SETD9: variants seen among roughly 807,000 people sequenced by gnomAD.
The protein encoded by SETD9 is SET domain-containing protein 9.
Under a neutral mutation model 36.4 loss-of-function variants are expected in SETD9, and 37 were observed. The observed-to-expected ratio is 1.02, with a 90% CI of 0.78 to 1.34. The LOEUF is 1.34. SETD9 is among the 40% of genes most tolerant of loss of function. The pLI, the probability that SETD9 is intolerant of heterozygous loss-of-function variation, is 0.00. For missense variants in SETD9, 323 were observed against 353.2 expected, an observed-to-expected ratio of 0.91 and a Z score of 0.69; for synonymous variants, 128 against 132.9, an observed-to-expected ratio of 0.96 and a Z score of 0.26.
chr5:56,919,070 A>AACAT (rs568513415), downstream of SETD9, among the ~76,000 whole-genome samples: 858 of 152,254 alleles, frequency 5.6e-3, 6 homozygotes, highest in Non-Finnish European at 0.01. Context: ...CAGCGTTTGA[A>AACAT]ACATAATAAA....
At chr5:56,923,432 C>T (rs1320983194) in intron 5 of SETD9, 1 of 1,614,188 alleles carries the variant, frequency 6.2e-7, no homozygotes, top group South Asian at 1.1e-5. Context: ...AAAACAATCA[C>T]TTTCCCCATT....
chr5:56,923,113 G>A (rs772259529), intron 5 of SETD9: 6 of 1,607,698 alleles, frequency 3.7e-6, no homozygotes, highest in Non-Finnish European at 5.1e-6. Flanking sequence ...CGCAGTTCCG[G>A]GATCCTCACT....
chr5:56,909,566 T>C (rs2111999083), upstream of SETD9: 1 of 1,172,620 alleles, frequency 8.5e-7, no homozygotes, highest in Non-Finnish European at 1.2e-6. Flanking sequence ...CGCGGCCCCC[T>C]CTCCTCCCGG....
At chr5:56,909,775 C>G in intron 1 of SETD9, 32 bp downstream of exon 1, 2 of 1,586,602 alleles carry the variant, frequency 1.3e-6, no homozygotes, top group East Asian at 4.6e-5. Context: ...ACGAGGGGCA[C>G]CTGCCTTCGG....
downstream of SETD9, among the ~76,000 whole-genome samples, chr5:56,918,843 C>G (rs1749531996): frequency 6.6e-6 from 1 of 152,036 alleles, no homozygotes. Flanking sequence ...AAGCTCTGGT[C>G]AGAGGAAATG....
chr5:56,925,486 T>G, exon 6 of SETD9: 1 of 286,304 alleles, frequency 3.5e-6, no homozygotes, highest in South Asian at 3.2e-5. Flanking sequence ...AATTTGAAAT[T>G]TAAAACACAA....
At chr5:56,925,021 G>A (rs923236043) in intron 5 of SETD9, among the ~76,000 whole-genome samples, 2 of 152,164 alleles carry the variant, frequency 1.3e-5, no homozygotes, top group African/African-American at 4.8e-5. Context: ...TATCTCTAGT[G>A]CCTAAAACAA....
Position 56,917,145 on chromosome 5 carries a change from C to T in SETD9, c.*243C>T. 1 of 1,174,646 alleles carries T rather than the reference C, an allele frequency of 8.5e-7. No homozygotes were observed. Among genetic ancestry groups the T allele is most frequent in the Non-Finnish European group, 1.1e-6 (1 of 951,438 alleles). 72.8% of individuals were successfully genotyped at this position (1,174,646 alleles called of 1,614,324 possible). On this transcript the variant is annotated 3_prime_UTR_variant, in exon 6 of 6. Coordinates refer to ENST00000285947, the MANE Select transcript of SETD9 (RefSeq NM_153706.4). The stretch of plus-strand genomic sequence containing the variant: ...TTTAATTGGTTTTCACCTAAATACA[C>T]AATAGCTTATTAAATTAAAACCTAC...
At chr5:56,920,309 T>C (rs1749608352), downstream of SETD9, 1 of 152,588 alleles carries the variant, frequency 6.6e-6, no homozygotes, top group African/African-American at 2.4e-5. Flanking sequence ...AATGTATTGC[T>C]ATAATCACAG....
At chr5:56,924,886 A>G (rs1749885607) in intron 5 of SETD9, among the ~76,000 whole-genome samples, 1 of 152,214 alleles carries the variant, frequency 6.6e-6, no homozygotes, top group Non-Finnish European at 1.5e-5. Flanking sequence ...GATTACTAAT[A>G]TGGGAATAAG....
At chr5:56,910,248 C>A in intron 1 of SETD9, 4 of 1,299,846 alleles carry the variant, frequency 3.1e-6, no homozygotes, top group Non-Finnish European at 4.1e-6. Context: ...AAAGCCAAGC[C>A]AGGGTTTATT....
chr5:56,912,177 G>C lies in SETD9; in HGVS notation c.466+641G>C. 3 of 983,940 alleles carry C rather than the reference G, an allele frequency of 3.0e-6. No individual in the cohort carries two copies. In the African/African-American group the frequency reaches 5.3e-5, roughly 17 times the overall value. The allele number at this position is 983,940 out of a possible 1,614,324, so 61.0% of individuals were successfully genotyped here. A position where few individuals can be genotyped will look rare whatever the true frequency, so the allele number is the denominator to read the frequency against. ...CTCAAAAAAAAGAAAAAAAAAAAGC[G>C]TACGGATCAAAACATAAAAGACAAC... On this transcript the variant is annotated intron_variant, in intron 2 of 5. Coordinates refer to ENST00000285947, the MANE Select transcript of SETD9 (RefSeq NM_153706.4).
downstream of SETD9, chr5:56,921,509 T>C (rs557248644): frequency 3.7e-4 from 57 of 152,764 alleles, no homozygotes; most frequent in Admixed American, 5.9e-4. Flanking sequence ...ACTAATGTGC[T>C]ACTGCGTAAA....
Position 56,909,730 on chromosome 5 carries a change from A to T in SETD9, c.85A>T (p.Ser29Cys), listed in dbSNP as rs1472216126. 7 of 1,610,540 alleles carry T rather than the reference A, an allele frequency of 4.3e-6. No homozygotes were observed. Among genetic ancestry groups the T allele is most frequent in the Non-Finnish European group, 5.9e-6 (7 of 1,178,736 alleles). Reference sequence around the variant, plus strand: ...CGTTCCCTGGATCGCACTGAACCTAAGCCACAACCCGAGGTGAGAGGGCGG... The same window carrying T: ...CGTTCCCTGGATCGCACTGAACCTATGCCACAACCCGAGGTGAGAGGGCGG... Reference protein sequence around the residue: ...RFVPWIALNLSHNPRTLRYVP... With the variant: ...RFVPWIALNLCHNPRTLRYVP... The change falls in exon 1 of 6, where the codon AGC becomes TGC. Residue 29 changes from serine (S) to cysteine (C), a missense_variant. Ser to Cys is a moderately radical substitution (Grantham distance 112). Coordinates refer to ENST00000285947, the MANE Select transcript of SETD9 (RefSeq NM_153706.4).
chr5:56,923,708 G>T (rs1243844088), intron 5 of SETD9: 1 of 1,614,128 alleles, frequency 6.2e-7, no homozygotes, highest in African/African-American at 1.3e-5. Context: ...GTCACTGGCA[G>T]TGAAGGAGTT....
At chr5:56,918,697 G>A (rs1344638431), downstream of SETD9, among the ~76,000 whole-genome samples, 1 of 152,006 alleles carries the variant, frequency 6.6e-6, no homozygotes, top group Non-Finnish European at 1.5e-5. Flanking sequence ...TGACAAGGAA[G>A]GGATGTGGTT....
At chr5:56,910,848 C>A (rs33319) in intron 1 of SETD9, 94,989 of 185,646 alleles carry the variant, frequency 0.51, 26,974 homozygotes, top group Non-Finnish European at 0.64. Context: ...CTCTGGCTCT[C>A]CCACTTACTG....
chr5:56,919,519 T>C (rs1256273967), downstream of SETD9: 2 of 152,246 alleles, frequency 1.3e-5, no homozygotes, highest in Non-Finnish European at 2.9e-5. Context: ...AACAGTGGTA[T>C]AATATCTATC....
chr5:56,909,831 A>T, intron 1 of SETD9, 88 bp downstream of exon 1: 4 of 1,144,766 alleles, frequency 3.5e-6, no homozygotes, highest in Non-Finnish European at 4.7e-6. Context: ...GGAGAGCCTG[A>T]GGCTGACTGC....
Sources: allele counts gnomAD v4.1 joint callset (sites outside exome capture counted in the v4.1 genomes callset), GRCh38; gene constraint gnomAD v4.1.1; transcripts MANE v1.5; gene names NCBI Gene and HGNC (gene_info 2026-07-23, HGNC 2026-07-21).